The following ATP2B2 variants were observed in gnomAD, a reference collection of about 807,000 sequenced individuals.
The protein encoded by ATP2B2 is ATPase plasma membrane Ca2+ transporting 2.
A neutral mutation model predicts 120.0 loss-of-function variants in ATP2B2; 15 were observed. The observed-to-expected ratio is 0.12, with a 90% CI of 0.08 to 0.19. The LOEUF is 0.19. Among genes scored for constraint, ATP2B2 ranks in the 10% least tolerant of loss-of-function variants. The pLI, the probability that ATP2B2 is intolerant of heterozygous loss-of-function variation, is 1.00. For synonymous variants in ATP2B2, 694 were observed against 700.3 expected (o/e 0.99, Z 0.14); for missense variants, 1,045 against 1,719.8 (o/e 0.61, Z 6.94).
chr3:10,398,349 C>T (rs2062110853), intron 5 of ATP2B2, among the ~76,000 whole-genome samples: 1 of 152,230 alleles, frequency 6.6e-6, no homozygotes, highest in Non-Finnish European at 1.5e-5. Context: ...ACGCCCCAGG[C>T]GTCTTCCATC....
intron 2 of ATP2B2, among the ~76,000 whole-genome samples, chr3:10,577,033 C>A (rs1392032017): frequency 7.7e-6 from 1 of 130,144 alleles, no homozygotes. Flanking sequence ...GCCTGGGTGA[C>A]AGAGTGAGAC....
intron 1 of ATP2B2, among the ~76,000 whole-genome samples, chr3:10,694,339 A>G (rs1045086809): frequency 1.2e-4 from 18 of 152,064 alleles, no homozygotes; most frequent in Non-Finnish European, 1.0e-4. Context: ...CCCATCCCTA[A>G]CCTTTGACAA....
At chr3:10,694,816 A>C (rs1321407966) in intron 1 of ATP2B2, among the ~76,000 whole-genome samples, 1 of 152,094 alleles carries the variant, frequency 6.6e-6, no homozygotes, top group Non-Finnish European at 1.5e-5. Flanking sequence ...ACAAAGACTT[A>C]AGTAGGGATG....
At chr3:10,696,722 G>T (rs576331001) in intron 1 of ATP2B2, among the ~76,000 whole-genome samples, 11 of 152,320 alleles carry the variant, frequency 7.2e-5, no homozygotes, top group African/African-American at 2.6e-4. Flanking sequence ...GTTTGGGCAA[G>T]AGAGAATGCT....
chr3:10,496,381 G>A (rs1575409776), intron 1 of ATP2B2, among the ~76,000 whole-genome samples: 3 of 152,112 alleles, frequency 2.0e-5, no homozygotes, highest in Non-Finnish European at 2.9e-5. Context: ...GCTCCTGCCC[G>A]GGCAATTGCA....
At chr3:10,655,954 A>G (rs1386220031) in intron 1 of ATP2B2, among the ~76,000 whole-genome samples, 1 of 152,220 alleles carries the variant, frequency 6.6e-6, no homozygotes, top group African/African-American at 2.4e-5. Flanking sequence ...CCTTGAGAGG[A>G]CAAAACGTTT....
chr3:10,486,131 G>A (rs986467407), intron 1 of ATP2B2, among the ~76,000 whole-genome samples: 3 of 152,164 alleles, frequency 2.0e-5, no homozygotes, highest in African/African-American at 7.2e-5. Flanking sequence ...CTGCTGCCCA[G>A]GAGGCTTTGT....
intron 5 of ATP2B2, among the ~76,000 whole-genome samples, chr3:10,399,400 C>T (rs2062147014): frequency 6.6e-6 from 1 of 152,244 alleles, no homozygotes; most frequent in African/African-American, 2.4e-5. Flanking sequence ...TCAAATGCAA[C>T]CTTTTCAGAC....
intron 1 of ATP2B2, among the ~76,000 whole-genome samples, chr3:10,670,513 G>A (rs914164868): frequency 2.0e-5 from 3 of 152,160 alleles, no homozygotes; most frequent in African/African-American, 2.4e-5. Flanking sequence ...TGCCTCCCGG[G>A]TTCAAGCAAT....
intron 22 of ATP2B2, chr3:10,336,353 T>C: frequency 6.6e-7 from 1 of 1,520,548 alleles, no homozygotes. Flanking sequence ...GCACAACGGC[T>C]ACATGACTGA....
At chr3:10,521,909 G>A (rs1203167795) in intron 3 of ATP2B2, among the ~76,000 whole-genome samples, 2 of 152,186 alleles carry the variant, frequency 1.3e-5, no homozygotes, top group Non-Finnish European at 2.9e-5. Context: ...TACAGAAGAG[G>A]AGACTGAGAG....
chr3:10,450,791 G>A (rs919100086), intron 1 of ATP2B2, among the ~76,000 whole-genome samples: 2 of 152,206 alleles, frequency 1.3e-5, no homozygotes, highest in African/African-American at 4.8e-5. Flanking sequence ...CCTTACAGGA[G>A]TGCGGCATCT....
intron 14 of ATP2B2, among the ~76,000 whole-genome samples, chr3:10,354,127 A>G (rs1013684874): frequency 6.6e-6 from 1 of 152,140 alleles, no homozygotes; most frequent in African/African-American, 2.4e-5. Flanking sequence ...CATCTTATAA[A>G]TGAAATGCTC....
At chr3:10,662,242 G>T (rs944472533) in intron 1 of ATP2B2, among the ~76,000 whole-genome samples, 1 of 151,946 alleles carries the variant, frequency 6.6e-6, no homozygotes, top group African/African-American at 2.4e-5. Flanking sequence ...TTGACAAATG[G>T]TATCTAATTA....
At chr3:10,381,096 T>C (rs1350199239) in intron 8 of ATP2B2, among the ~76,000 whole-genome samples, 3 of 152,156 alleles carry the variant, frequency 2.0e-5, no homozygotes, top group Non-Finnish European at 4.4e-5. Flanking sequence ...ACTTTCTGGG[T>C]GACTCAGAGG....
At position 10,460,456 on chromosome 3, in the gene ATP2B2, G is replaced by A. The variant is rs181935118; in HGVS notation, c.-319-10594C>T. On this transcript the variant is annotated intron_variant, in intron 1 of 22. Transcript: ENST00000360273. ...ATTAAGTGCCCCTAGGAACTCTCCA[G>A]GACAGCAATGCTGACCAATGAAGAG... is the stretch of plus-strand genomic sequence containing the variant. Among the ~76,000 whole-genome samples, 610 of 152,288 alleles carry A rather than the reference G, an allele frequency of 4.0e-3. 4 individuals are homozygous for A. The highest frequency in any genetic ancestry group is 5.5e-3 in the Non-Finnish European group (371 of 68,006).
intron 1 of ATP2B2, among the ~76,000 whole-genome samples, chr3:10,666,442 T>C (rs747574885): frequency 1.2e-4 from 19 of 152,178 alleles, no homozygotes; most frequent in Non-Finnish European, 2.2e-4. Flanking sequence ...CAGGTACTGA[T>C]TGGCACTGAG....
intron 21 of ATP2B2, among the ~76,000 whole-genome samples, chr3:10,339,066 A>G (rs1024625524): frequency 1.3e-5 from 2 of 152,214 alleles, no homozygotes; most frequent in Admixed American, 1.3e-4. Flanking sequence ...AGGAGCAGTC[A>G]GGCGCTGGCA....
chr3:10,589,304 A>G (rs1575530021), intron 2 of ATP2B2, among the ~76,000 whole-genome samples: 1 of 152,316 alleles, frequency 6.6e-6, no homozygotes, highest in East Asian at 1.9e-4. Flanking sequence ...AGGCTTGCTC[A>G]TTAGTAAGTT....
Sources: gnomAD v4.1 joint callset for allele counts (sites outside exome capture counted in the v4.1 genomes callset) on GRCh38, gnomAD v4.1.1 for gene constraint, MANE v1.5 for transcripts, NCBI Gene and HGNC (gene_info 2026-07-23, HGNC 2026-07-21) for gene names.